TMLHE: variants seen among roughly 807,000 people sequenced by gnomAD.
TMLHE encodes trimethyllysine hydroxylase, epsilon, also known as trimethyllysine dioxygenase, mitochondrial.
Under a neutral mutation model 25.7 loss-of-function variants are expected in TMLHE, and 18 were observed. The ratio of observed to expected loss-of-function variants is 0.70; its 90% CI spans 0.48 to 1.04. The LOEUF (loss-of-function observed/expected upper bound fraction) is 1.04. Among genes scored for constraint, TMLHE ranks in the 50% least tolerant of loss-of-function variants. TMLHE has a pLI of 0.00. For synonymous variants in TMLHE, 105 were observed against 97.0 expected (o/e 1.08, Z -0.49); for missense variants, 236 against 259.0 (o/e 0.91, Z 0.61).
At chrX:155,590,456 CT>C (rs1420216113) in intron 1 of TMLHE, among the ~76,000 whole-genome samples, 6 of 111,747 alleles carry the variant, frequency 5.4e-5, no homozygotes, top group African/African-American at 1.6e-4. Context: ...TTTCTTCCAT[CT>C]CTTCTTTAAA....
chrX:155,576,910 A>T (rs782069765), intron 1 of TMLHE, among the ~76,000 whole-genome samples: 1 of 112,327 alleles, frequency 8.9e-6, no homozygotes, highest in Non-Finnish European at 1.9e-5. Context: ...AAACCCCTGG[A>T]AGATAACCTA....
At position 155,587,022 on chromosome X, in the gene TMLHE, A is replaced by G. The variant is rs782700147; in HGVS notation, c.-2+25770T>C. ...TATCCCTAACTCATTTAATGAGGCCAGAATTACCTTCATACCAAAATCTGG... is the reference window on the plus strand; with the variant it reads ...TATCCCTAACTCATTTAATGAGGCCGGAATTACCTTCATACCAAAATCTGG... On this transcript the variant is annotated intron_variant, in intron 1 of 7. Transcript: ENST00000334398. Among the ~76,000 whole-genome samples the G allele has an allele frequency of 1.2e-4, 14 of 112,494 alleles. No individual in the cohort carries two copies. The East Asian group carries it at 3.3e-3, about 27-fold the overall frequency.
chrX:155,610,918 G>C lies in TMLHE; in HGVS notation c.-2+1874C>G, dbSNP rs2067815578. On this transcript the variant is annotated intron_variant, in intron 1 of 7. Coordinates refer to ENST00000334398, the MANE Select transcript of TMLHE (RefSeq NM_018196.4). ...TCTCAGTGAATGGATCAGCATCCTG[G>C]CACAGAGTTGACATTCATTGATTGC... is the stretch of plus-strand genomic sequence containing the variant. Among the ~76,000 whole-genome samples, 5 of 110,534 alleles carry C rather than the reference G, an allele frequency of 4.5e-5. No individual in the cohort carries two copies. The South Asian group carries it at 1.9e-3, about 43-fold the overall frequency.
chrX:155,536,649 C>G (rs1307187409), intron 2 of TMLHE, among the ~76,000 whole-genome samples: 1 of 111,812 alleles, frequency 8.9e-6, no homozygotes, highest in Admixed American at 9.5e-5. Flanking sequence ...AAATGACCAC[C>G]TTCTCCTTCA....
intron 1 of TMLHE, among the ~76,000 whole-genome samples, chrX:155,557,502 C>T (rs1434832549): frequency 8.9e-6 from 1 of 111,967 alleles, no homozygotes; most frequent in Admixed American, 9.5e-5. Flanking sequence ...TGCTGTATTA[C>T]TTTTCAAAAA....
chrX:155,562,218 T>C (rs1351763700), intron 1 of TMLHE, among the ~76,000 whole-genome samples: 1 of 61,954 alleles, frequency 1.6e-5, no homozygotes, highest in South Asian at 9.6e-4. Flanking sequence ...AATTCTTGCC[T>C]TCTGTGCACC....
At chrX:155,524,382 C>A (rs1275274105) in intron 3 of TMLHE, 74 bp downstream of exon 3, 1 of 921,882 alleles carries the variant, frequency 1.1e-6, no homozygotes, top group East Asian at 3.6e-5. Flanking sequence ...TTGAAAGGAA[C>A]AAACCATTTT....
chrX:155,611,444 C>G (rs782361273), intron 1 of TMLHE: 7 of 111,397 alleles, frequency 6.3e-5, no homozygotes, highest in Admixed American at 2.8e-4. Context: ...ACCCAGTGAT[C>G]CACTTGGCTG....
chrX:155,522,506 A>G (rs782520425), intron 3 of TMLHE, among the ~76,000 whole-genome samples: 129 of 112,009 alleles, frequency 1.2e-3, no homozygotes, highest in African/African-American at 4.1e-3. Context: ...AAGATACTCA[A>G]CCATATGACT....
In TMLHE at chrX:155,511,691, T is replaced by G; in HGVS notation, c.740A>C (p.Tyr247Ser). ...CACCTACCCACAGGGCTCTTGAAAA[T>G]AGGTAGTGTCAGTGTGCCGATCCAG... is the stretch of plus-strand genomic sequence containing the variant. ...LALDRHTDTT[Y>S]FQEPCGIQVF... is the part of the protein sequence containing the mutation. The change falls in exon 5 of 8, where the codon TAT (tyrosine) becomes TCT (serine). Residue 247 changes from tyrosine (Y) to serine (S), a missense_variant. Physicochemically the swap from Tyr to Ser is moderately radical, Grantham distance 144. Around this residue, in one of 2 missense-constraint regions of TMLHE, gnomAD observed 217 missense variants for 214.6 expected, o/e 1.01. Transcript: ENST00000334398. The G allele has an allele frequency of 8.3e-7, 1 of 1,199,555 alleles. No homozygotes were observed. The highest frequency in any genetic ancestry group is 1.1e-6 in the Non-Finnish European group (1 of 887,798).
chrX:155,532,668 CGTGTGTGTGTGTGT>C lies in TMLHE; in HGVS notation c.182-8050_182-8037del, dbSNP rs33944459. On this transcript the variant is annotated intron_variant, in intron 2 of 7. Transcript: ENST00000334398. Reference sequence around the variant, plus strand: ...GGTGTGTGGAATAATATGCAAAATTCGTGTGTGTGTGTGTGTGTGTGTGTGTGTGTGTGTGTGTG... The same window carrying C: ...GGTGTGTGGAATAATATGCAAAATTCGTGTGTGTGTGTGTGTGTGTGTGTG... 9.3e-3 allele frequency among the ~76,000 whole-genome samples: 802 copies of C among 86,076 alleles called. 7 individuals are homozygous for C. Among genetic ancestry groups the C allele is most frequent in the East Asian group, 0.087 (237 of 2,712 alleles). 74.7% of individuals were successfully genotyped at this position (86,076 alleles called of 115,157 possible). A position where few individuals can be genotyped will look rare whatever the true frequency, so the allele number is the denominator to read the frequency against.
chrX:155,545,818 A>C (rs1245388379), intron 1 of TMLHE, among the ~76,000 whole-genome samples: 1 of 111,303 alleles, frequency 9.0e-6, no homozygotes, highest in Non-Finnish European at 1.9e-5. Flanking sequence ...TATATATATC[A>C]TATAGCCTGG....
At chrX:155,532,684 T>TGC (rs1198515970) in intron 2 of TMLHE, among the ~76,000 whole-genome samples, 1 of 107,065 alleles carries the variant, frequency 9.3e-6, no homozygotes, top group Non-Finnish European at 1.9e-5. Context: ...TGTGTGTGTG[T>TGC]GTGTGTGTGT....
intron 1 of TMLHE, among the ~76,000 whole-genome samples, chrX:155,548,719 A>T (rs1376498716): frequency 9.5e-6 from 1 of 105,270 alleles, no homozygotes; most frequent in Admixed American, 1.0e-4. Flanking sequence ...TGGGCGACAG[A>T]GTGAGACTCT....
rs202134598 is a variant in TMLHE, at chrX:155,569,871, C to T, written c.-1-24594G>A. On this transcript the variant is annotated intron_variant, in intron 1 of 7. Coordinates refer to ENST00000334398, the MANE Select transcript of TMLHE (RefSeq NM_018196.4). ...GGAAAGGAACAACTGATACCAGCCA[C>T]TGCAAAATCATGCCAAATTGTAAAT... Among the ~76,000 whole-genome samples the T allele has an allele frequency of 3.5e-5, 2 of 57,044 alleles. 1 individual carries two copies. The highest frequency in any genetic ancestry group is 1.4e-3 in the East Asian group (2 of 1,394). The allele number at this position is 57,044 out of a possible 115,157, so 49.5% of individuals were successfully genotyped here. A position where few individuals can be genotyped will look rare whatever the true frequency, so the allele number is the denominator to read the frequency against.
chrX:155,506,472 C>T (rs141911623), intron 6 of TMLHE, among the ~76,000 whole-genome samples: 116 of 110,909 alleles, frequency 1.0e-3, no homozygotes, highest in African/African-American at 3.7e-3. Flanking sequence ...GATGAGTTCA[C>T]GTTTGAATAT....
chrX:155,579,731 A>T (rs2067613490), intron 1 of TMLHE, among the ~76,000 whole-genome samples: 1 of 111,042 alleles, frequency 9.0e-6, no homozygotes, highest in Non-Finnish European at 1.9e-5. Context: ...TCTTTATAGG[A>T]CATCATTTTC....
chrX:155,532,668 CGTGTGTGTGTGTGTGT>C (rs33944459), intron 2 of TMLHE, among the ~76,000 whole-genome samples: 8 of 86,093 alleles, frequency 9.3e-5, no homozygotes, highest in South Asian at 6.2e-4. Flanking sequence ...ATGCAAAATT[CGTGTGTGTGTGTGTGT>C]GTGTGTGTGT....
At chrX:155,558,483 T>A (rs1228979697) in intron 1 of TMLHE, among the ~76,000 whole-genome samples, 5 of 112,102 alleles carry the variant, frequency 4.5e-5, no homozygotes, top group African/African-American at 1.6e-4. Context: ...TCTGTCTCAT[T>A]CATTTTGATA....
Sources: allele counts gnomAD v4.1 joint callset (sites outside exome capture counted in the v4.1 genomes callset), GRCh38; gene constraint gnomAD v4.1.1; regional missense constraint gnomAD v4.1.1; transcripts MANE v1.5; gene names NCBI Gene and HGNC (gene_info 2026-07-23, HGNC 2026-07-21).